DCAKD: variants seen among roughly 807,000 people sequenced by gnomAD.
DCAKD encodes the protein dephospho-CoA kinase domain-containing protein.
A neutral mutation model predicts 18.7 loss-of-function variants in DCAKD; 15 were observed. The observed-to-expected ratio is 0.80, with a 90% CI of 0.54 to 1.24. The LOEUF is 1.24. Among genes scored for constraint, DCAKD ranks in the 50% most tolerant of loss-of-function variants. DCAKD has a pLI of 0.00. For synonymous variants in DCAKD, 130 were observed against 133.0 expected (o/e 0.98, Z 0.16); for missense variants, 301 against 322.0 (o/e 0.93, Z 0.50).
chr17:45,034,925 G>A lies in DCAKD; in HGVS notation c.-40C>T, dbSNP rs759265429. The A allele has an allele frequency of 6.2e-7, 1 of 1,605,776 alleles. No individual in the cohort carries two copies. Among genetic ancestry groups the A allele is most frequent in the African/African-American group, 1.3e-5 (1 of 74,784 alleles). ...AGCTGTCCGCGAGACTACGGAGCCA[G>A]GAGCTACAGAATCACTGGAGAGCAG... On this transcript the variant is annotated 5_prime_UTR_variant, in exon 2 of 5. Transcript: ENST00000651974.
At chr17:45,024,838 TCCCTCCAA>T in intron 4 of DCAKD, 114 bp from the exon 5 acceptor site, 1 of 1,311,100 alleles carries the variant, frequency 7.6e-7, no homozygotes, top group Non-Finnish European at 1.0e-6. Flanking sequence ...GACTGGATCT[TCCCTCCAA>T]CCCTACCCTG....
intron 1 of DCAKD, among the ~76,000 whole-genome samples, chr17:45,057,911 T>C (rs562939018): frequency 4.0e-4 from 57 of 143,234 alleles, no homozygotes; most frequent in African/African-American, 1.3e-3. Flanking sequence ...CTTGGGAGGC[T>C]GAGGCAGGAG....
chr17:45,034,221 C>G lies in DCAKD; in HGVS notation c.282G>C (p.Glu94Asp). 6.2e-7 allele frequency: 1 copy of G among 1,614,104 alleles called. No homozygotes were observed. The highest frequency in any genetic ancestry group is 1.1e-5 in the South Asian group (1 of 91,050). Residue 94 changes from glutamate to aspartate, a missense_variant, in exon 3 of 5, where the codon GAG becomes GAC. Glu to Asp is a conservative substitution (Grantham distance 45). Coordinates refer to ENST00000651974, the MANE Select transcript of DCAKD (RefSeq NM_001288655.2). ...NAITHPEIRK[E>D]MMKETFKYFL... ...AGTACTTGAACGTCTCCTTCATCAT[C>G]TCCTTGCGAATCTCGGGGTGGGTGA...
chr17:45,044,489 C>G (rs975041783), intron 1 of DCAKD, among the ~76,000 whole-genome samples: 2 of 152,018 alleles, frequency 1.3e-5, no homozygotes, highest in African/African-American at 4.8e-5. Flanking sequence ...GTCAGGAGTT[C>G]GGGACCAGCC....
In DCAKD at chr17:45,032,022, G is replaced by T. The variant is rs942609428; in HGVS notation, c.317-1843C>A. 4.1e-6 allele frequency: 4 copies of T among 985,326 alleles called. No individual in the cohort carries two copies. The African/African-American group carries it at 7.0e-5, about 17-fold the overall frequency. 61.0% of individuals were successfully genotyped at this position (985,326 alleles called of 1,614,324 possible). A position where few individuals can be genotyped will look rare whatever the true frequency, so the allele number is the denominator to read the frequency against. ...TGGGGAGGCGGGAGGCTGGGTGGAT[G>T]ACACAGTGAAAGAGCTTTGGAGCTG... On this transcript the variant is annotated intron_variant, in intron 3 of 4. Coordinates refer to ENST00000651974, the MANE Select transcript of DCAKD (RefSeq NM_001288655.2).
chr17:45,024,490 G>C lies in DCAKD; in HGVS notation c.639C>G (p.Leu213=). 1.2e-6 allele frequency: 2 copies of C among 1,613,520 alleles called. No homozygotes were observed. The highest frequency in any genetic ancestry group is 1.7e-6 in the Non-Finnish European group (2 of 1,179,482). ...GGTAGAGGAGGCTGGCAATGGCAGCGAGCCCTGTGAGGACCCCAAACCTCA... is the reference window on the plus strand; with the variant it reads ...GGTAGAGGAGGCTGGCAATGGCAGCCAGCCCTGTGAGGACCCCAAACCTCA... ...LPLRFGVLTG[L]AAIASLLYLL... Residue 213 remains leucine, a synonymous_variant, in exon 5 of 5, where the codon CTC becomes CTG. Coordinates refer to ENST00000651974, the MANE Select transcript of DCAKD (RefSeq NM_001288655.2).
At chr17:45,057,596 G>A (rs974079299) in intron 1 of DCAKD, among the ~76,000 whole-genome samples, 10 of 151,490 alleles carry the variant, frequency 6.6e-5, no homozygotes, top group Non-Finnish European at 1.3e-4. Context: ...CCAGCTACTC[G>A]GGAGGTTGAG....
At chr17:45,031,499 T>C (rs768339794) in intron 3 of DCAKD, 9 of 970,764 alleles carry the variant, frequency 9.3e-6, no homozygotes, top group Non-Finnish European at 1.1e-5. Context: ...ATGTGAACCA[T>C]GCAGTACTAC....
At chr17:45,032,052 CATT>C in intron 3 of DCAKD, 1 of 985,366 alleles carries the variant, frequency 1.0e-6, no homozygotes, top group Non-Finnish European at 1.2e-6. Context: ...GAGCTGGTGA[CATT>C]ATCCGATGTT....
intron 3 of DCAKD, chr17:45,030,911 C>T: frequency 1.1e-6 from 1 of 942,136 alleles, no homozygotes; most frequent in Non-Finnish European, 1.3e-6. Flanking sequence ...CCACCACAAG[C>T]CAAGGCCAGT....
At chr17:45,056,623 C>T (rs1361233972), upstream of DCAKD, among the ~76,000 whole-genome samples, 1 of 152,016 alleles carries the variant, frequency 6.6e-6, no homozygotes, top group Non-Finnish European at 1.5e-5. Flanking sequence ...TACAGGCGTC[C>T]ACCACTGTGC....
chr17:45,028,301 A>G (rs1320743930), intron 4 of DCAKD, among the ~76,000 whole-genome samples: 1 of 150,942 alleles, frequency 6.6e-6, no homozygotes, highest in Non-Finnish European at 1.5e-5. Flanking sequence ...TAGTAGAGAC[A>G]GGGTTTAACC....
chr17:45,035,738 G>T lies in DCAKD; in HGVS notation c.-114-739C>A, dbSNP rs957989661. The stretch of plus-strand genomic sequence containing the variant: ...GAGGCTCAAAGGAAAGAAATGGCCT[G>T]CCTGCAGCCATCCACGGAAGATGCA... On this transcript the variant is annotated intron_variant, in intron 1 of 4. Coordinates refer to ENST00000651974, the MANE Select transcript of DCAKD (RefSeq NM_001288655.2). Among the ~76,000 whole-genome samples, 6 of 152,256 alleles carry T rather than the reference G, an allele frequency of 3.9e-5. No individual in the cohort carries two copies. The South Asian group carries it at 1.2e-3, about 32-fold the overall frequency.
intron 1 of DCAKD, among the ~76,000 whole-genome samples, chr17:45,037,191 G>T (rs1406586702): frequency 1.3e-5 from 2 of 152,050 alleles, no homozygotes; most frequent in Non-Finnish European, 2.9e-5. Flanking sequence ...TCTAGGCCAC[G>T]CACGGTGTTC....
chr17:45,044,369 G>A (rs117347927), intron 1 of DCAKD, among the ~76,000 whole-genome samples: 2,938 of 152,172 alleles, frequency 0.019, 123 homozygotes, highest in East Asian at 0.18. Context: ...CCCAACCCCC[G>A]TCTGGAACTG....
At chr17:45,055,130 A>G (rs1173627960), upstream of DCAKD, among the ~76,000 whole-genome samples, 1 of 152,132 alleles carries the variant, frequency 6.6e-6, no homozygotes, top group African/African-American at 2.4e-5. Context: ...TTTCAGCTCA[A>G]ATATATGTCT....
chr17:45,055,905 A>G (rs2053774415), upstream of DCAKD, among the ~76,000 whole-genome samples: 1 of 152,234 alleles, frequency 6.6e-6, no homozygotes, highest in Non-Finnish European at 1.5e-5. Flanking sequence ...CTGTACTCCC[A>G]GCACTTTGGG....
At chr17:45,051,061 C>T (rs1207827972) in intron 1 of DCAKD, among the ~76,000 whole-genome samples, 1 of 152,190 alleles carries the variant, frequency 6.6e-6, no homozygotes, top group African/African-American at 2.4e-5. Context: ...CACTTTATAC[C>T]CACCCTATGG....
upstream of DCAKD, among the ~76,000 whole-genome samples, chr17:45,053,169 T>TTA (rs1165598853): frequency 2.4e-3 from 179 of 75,742 alleles, 15 homozygotes; most frequent in African/African-American, 0.011. Flanking sequence ...TGTCTCCAGT[T>TTA]AAAAAAAAAA....
Sources: gnomAD v4.1 joint callset for allele counts (sites outside exome capture counted in the v4.1 genomes callset) on GRCh38, gnomAD v4.1.1 for gene constraint, MANE v1.5 for transcripts, NCBI Gene and HGNC (gene_info 2026-07-23, HGNC 2026-07-21) for gene names.